NR2C2: variants seen among roughly 807,000 people sequenced by gnomAD.
The protein encoded by NR2C2 is nuclear receptor subfamily 2 group C member 2.
NR2C2 carries 6 observed loss-of-function variants against 62.9 expected under a neutral mutation model. That is an observed-to-expected ratio of 0.10 (90% CI 0.05 to 0.19). The LOEUF is 0.19. Among genes scored for constraint, NR2C2 ranks in the 10% least tolerant of loss-of-function variants. The pLI is 1.00. For synonymous variants in NR2C2, 272 were observed against 273.8 expected (o/e 0.99, Z 0.07); for missense variants, 479 against 762.7 (o/e 0.63, Z 4.38).
At chr3:15,010,957 G>A (rs2041335413) in intron 2 of NR2C2, among the ~76,000 whole-genome samples, 1 of 152,098 alleles carries the variant, frequency 6.6e-6, no homozygotes, top group Admixed American at 6.5e-5. Flanking sequence ...GTGTTGCCTT[G>A]GTTTTAGTTG....
intron 1 of NR2C2, among the ~76,000 whole-genome samples, chr3:14,969,012 G>A (rs1321006321): frequency 2.8e-5 from 4 of 143,080 alleles, no homozygotes; most frequent in African/African-American, 1.0e-4. Context: ...GGGAGGGATA[G>A]CATTGGGAGA....
chr3:15,026,000 C>G (rs973834523), intron 7 of NR2C2: 1 of 152,242 alleles, frequency 6.6e-6, no homozygotes, highest in Non-Finnish European at 1.5e-5. Flanking sequence ...GAGTATATCT[C>G]TGGCTTTCTT....
chr3:15,028,566 C>G lies in NR2C2; in HGVS notation c.799-20C>G. Reference sequence around the variant, plus strand: ...GCGTATCTGTGTTCATTTTTAATGTCAGTATTTTTTGTTTAATAGGCTGAA... The same window carrying G: ...GCGTATCTGTGTTCATTTTTAATGTGAGTATTTTTTGTTTAATAGGCTGAA... On this transcript the variant is annotated intron_variant, in intron 7 of 13. Transcript: ENST00000425241. 6.2e-7 allele frequency: 1 copy of G among 1,603,282 alleles called. No homozygotes were observed. Among genetic ancestry groups the G allele is most frequent in the Non-Finnish European group, 8.5e-7 (1 of 1,171,508 alleles).
rs534538490 is a variant in NR2C2 at position 14,980,673 on chromosome 3, C to T, written c.-39-23203C>T. ...CTAGTTAACAAAACATGTTAAATTC[C>T]TAATAAACAGAGTAAATACAGGATT... On this transcript the variant is annotated intron_variant, in intron 1 of 13. Transcript: ENST00000425241. Among the ~76,000 whole-genome samples, 8 of 152,214 alleles carry T rather than the reference C, an allele frequency of 5.3e-5. No homozygotes were observed. In the East Asian group the frequency reaches 1.5e-3, roughly 29 times the overall value.
chr3:14,977,201 C>T lies in NR2C2; in HGVS notation c.-39-26675C>T, dbSNP rs939288369. ...CAGCTTCTACTTTTAGTGAGATTTC[C>T]TGACTTAGAATCTGTCTTCATCACT... is the stretch of plus-strand genomic sequence containing the variant. On this transcript the variant is annotated intron_variant, in intron 1 of 13. Transcript: ENST00000425241. 2.6e-5 allele frequency among the ~76,000 whole-genome samples: 4 copies of T among 152,158 alleles called. No homozygotes were observed. In the East Asian group the frequency reaches 7.7e-4, roughly 29 times the overall value.
intron 13 of NR2C2, among the ~76,000 whole-genome samples, chr3:15,040,165 A>C (rs1045536752): frequency 6.9e-6 from 1 of 144,902 alleles, no homozygotes; most frequent in African/African-American, 2.5e-5. Context: ...TTCTCAAAAA[A>C]CAAAAAAAAA....
At chr3:15,008,747 A>G (rs1452515494) in intron 2 of NR2C2, among the ~76,000 whole-genome samples, 4 of 152,194 alleles carry the variant, frequency 2.6e-5, no homozygotes, top group African/African-American at 9.7e-5. Flanking sequence ...CAGTTCTGCT[A>G]TAATGTGATG....
chr3:14,993,454 CAAA>C (rs58284681), intron 1 of NR2C2, among the ~76,000 whole-genome samples: 2 of 119,466 alleles, frequency 1.7e-5, no homozygotes, highest in African/African-American at 3.0e-5. Flanking sequence ...AACTCCATCT[CAAA>C]AAAAAAAAAA....
At chr3:15,002,509 A>G (rs543623221) in intron 1 of NR2C2, among the ~76,000 whole-genome samples, 3 of 152,150 alleles carry the variant, frequency 2.0e-5, no homozygotes, top group African/African-American at 7.2e-5. Context: ...GTTTCTATTC[A>G]TAAGAGATAT....
intron 4 of NR2C2, 66 bp from the exon 5 acceptor site, chr3:15,020,687 A>G (rs1216077370): frequency 3.8e-6 from 6 of 1,560,476 alleles, no homozygotes; most frequent in Non-Finnish European, 5.3e-6. Flanking sequence ...GAACTGACAG[A>G]TCACCTCTTT....
chr3:15,009,584 C>T (rs1446475216), intron 2 of NR2C2, among the ~76,000 whole-genome samples: 1 of 152,112 alleles, frequency 6.6e-6, no homozygotes. Context: ...TCACAGAAAA[C>T]AACACATATC....
intron 2 of NR2C2, chr3:15,004,765 T>G: frequency 1.1e-6 from 1 of 890,262 alleles, no homozygotes; most frequent in Non-Finnish European, 1.7e-6. Flanking sequence ...TCAGTTTTTT[T>G]GGCTCACTTT....
At chr3:14,978,328 T>C (rs906155655) in intron 1 of NR2C2, among the ~76,000 whole-genome samples, 1 of 152,202 alleles carries the variant, frequency 6.6e-6, no homozygotes, top group Non-Finnish European at 1.5e-5. Context: ...AGAACACTTA[T>C]ATTAGCCTAC....
At chr3:15,028,447 A>G in intron 7 of NR2C2, 139 bp from the exon 8 acceptor site, 1 of 677,432 alleles carries the variant, frequency 1.5e-6, no homozygotes, top group Non-Finnish European at 2.5e-6. Context: ...CACTAAAAAG[A>G]TCTTCCTCGT....
At chr3:15,036,517 C>T (rs528002545) in intron 11 of NR2C2, among the ~76,000 whole-genome samples, 68 of 152,146 alleles carry the variant, frequency 4.5e-4, no homozygotes, top group Non-Finnish European at 8.5e-4. Context: ...TTTTTTGATA[C>T]AGTCTCTCTG....
At chr3:15,016,412 TA>T (rs946302426) in intron 4 of NR2C2, among the ~76,000 whole-genome samples, 158 bp downstream of exon 4, 1 of 152,128 alleles carries the variant, frequency 6.6e-6, no homozygotes, top group Non-Finnish European at 1.5e-5. Flanking sequence ...ATGATGTAAA[TA>T]AGTAAGGTAG....
chr3:14,956,375 AC>A (rs2039525723), intron 1 of NR2C2, among the ~76,000 whole-genome samples: 1 of 152,206 alleles, frequency 6.6e-6, no homozygotes, highest in Admixed American at 6.5e-5. Context: ...AATGCCTTGT[AC>A]CTATCAAGAG....
rs374360359 is a variant in NR2C2, at chr3:15,020,895, G to A, written c.519G>A (p.Arg173=). ...ACCGGAACCGCTGTCAGTTTTGCCG[G>A]CTGAAAAAATGCTTAGAGATGGGCA... ...KHHRNRCQFC[R]LKKCLEMGMK... is the part of the protein sequence containing the mutation. The change falls in exon 5 of 14, where the codon CGG becomes CGA. Residue 173 remains arginine, a synonymous_variant. Coordinates refer to ENST00000425241, the MANE Select transcript of NR2C2 (RefSeq NM_001291694.2). The A allele has an allele frequency of 1.2e-6, 2 of 1,613,760 alleles. No individual in the cohort carries two copies. The highest frequency in any genetic ancestry group is 1.1e-5 in the South Asian group (1 of 91,042).
At chr3:15,017,719 G>T (rs1039942217) in intron 4 of NR2C2, among the ~76,000 whole-genome samples, 23 of 152,196 alleles carry the variant, frequency 1.5e-4, no homozygotes, top group African/African-American at 5.3e-4. Context: ...ATTATAGAAG[G>T]CACTTTACCA....
Sources: gnomAD v4.1 joint callset for allele counts (sites outside exome capture counted in the v4.1 genomes callset) on GRCh38, gnomAD v4.1.1 for gene constraint, MANE v1.5 for transcripts, NCBI Gene and HGNC (gene_info 2026-07-23, HGNC 2026-07-21) for gene names.